The following TAF6L variants were observed in gnomAD, a reference collection of about 807,000 sequenced individuals.
TAF6L encodes TATA-box binding protein associated factor 6 like, also known as TAF6-like RNA polymerase II p300/CBP-associated factor-associated factor 65 kDa subunit 6L.
TAF6L carries 34 observed loss-of-function variants against 57.3 expected under a neutral mutation model. That is an observed-to-expected ratio of 0.59 (90% CI 0.45 to 0.79). The LOEUF (loss-of-function observed/expected upper bound fraction) is 0.79, where lower values mean the gene tolerates loss of function less well. Among genes scored for constraint, TAF6L ranks in the 30% least tolerant of loss-of-function variants. The pLI, the probability that TAF6L is intolerant of heterozygous loss-of-function variation, is 0.00. For missense variants in TAF6L, 782 were observed against 853.2 expected (o/e 0.92, Z 1.04); for synonymous variants, 417 against 376.3 (o/e 1.11, Z -1.25).
chr11:62,786,450 C>CTT (rs1316730569), intron 10 of TAF6L, 62 bp downstream of exon 10: 1 of 1,596,460 alleles, frequency 6.3e-7, no homozygotes, highest in African/African-American at 1.3e-5. Context: ...AGCAGGCTTA[C>CTT]TTTGGAATAT....
chr11:62,773,264 C>T (rs1327135394), intron 1 of TAF6L, among the ~76,000 whole-genome samples: 1 of 151,962 alleles, frequency 6.6e-6, no homozygotes, highest in Admixed American at 6.6e-5. Context: ...TCTCCTGCCT[C>T]AGCCTCCGGA....
intron 1 of TAF6L, chr11:62,772,096 C>A (rs1336940961): frequency 2.2e-6 from 1 of 456,226 alleles, no homozygotes; most frequent in South Asian, 1.5e-5. Flanking sequence ...TTGGAGAAGT[C>A]ATGGAACATT....
At chr11:62,777,880 C>T (rs1797066534) in intron 3 of TAF6L, 98 bp from the exon 4 acceptor site, 13 of 1,406,356 alleles carry the variant, frequency 9.2e-6, no homozygotes, top group South Asian at 4.2e-5. Flanking sequence ...TTCCTTCAAA[C>T]GTGGGCTCTC....
intron 2 of TAF6L, 59 bp from the exon 3 acceptor site, chr11:62,776,325 G>T (rs1364203789): frequency 6.4e-7 from 1 of 1,574,412 alleles, no homozygotes; most frequent in Non-Finnish European, 8.7e-7. Flanking sequence ...TTCATTTGGG[G>T]TTTCCCATGC....
chr11:62,778,505 A>G (rs1565187788), intron 5 of TAF6L, 170 bp downstream of exon 5: 1 of 751,258 alleles, frequency 1.3e-6, no homozygotes, highest in Non-Finnish European at 2.2e-6. Flanking sequence ...AGAGTTGGAG[A>G]TGGGGGCCCA....
At chr11:62,785,935 C>T in intron 9 of TAF6L, 1 of 185,422 alleles carries the variant, frequency 5.4e-6, no homozygotes, top group Non-Finnish European at 1.1e-5. Flanking sequence ...CTAAGTGAAG[C>T]CAGTACTTGC....
chr11:62,772,302 G>C (rs954889575), intron 1 of TAF6L, among the ~76,000 whole-genome samples: 1 of 151,234 alleles, frequency 6.6e-6, no homozygotes, highest in African/African-American at 2.4e-5. Context: ...CACCTGGATT[G>C]CCTGAGCTCA....
rs1293134146 is a variant in TAF6L, at chr11:62,771,456, C to G, written c.-48C>G. ...CCGCCACCGCCCCCGCCGCCGTCGT[C>G]TCGGTAGCAGCCTTCGCCACGCCGG... On this transcript the variant is annotated 5_prime_UTR_variant, in exon 1 of 11. Transcript: ENST00000294168. 6.3e-6 allele frequency: 1 copy of G among 157,562 alleles called. No homozygotes were observed. The highest frequency in any genetic ancestry group is 1.4e-5 in the Non-Finnish European group (1 of 71,612). The allele number at this position is 157,562 out of a possible 1,614,324, so 9.8% of individuals were successfully genotyped here. A position where few individuals can be genotyped will look rare whatever the true frequency, so the allele number is the denominator to read the frequency against.
intron 6 of TAF6L, 54 bp downstream of exon 6, chr11:62,779,017 C>CTTTTTT: frequency 7.9e-7 from 1 of 1,263,840 alleles, no homozygotes; most frequent in African/African-American, 1.5e-5. Flanking sequence ...AATTCTAGAC[C>CTTTTTT]TGTTTTTTTT....
At chr11:62,785,552 T>A (rs1164217262) in intron 9 of TAF6L, among the ~76,000 whole-genome samples, 1 of 150,014 alleles carries the variant, frequency 6.7e-6, no homozygotes, top group Non-Finnish European at 1.5e-5. Flanking sequence ...TTTTTTTTTT[T>A]GAGACGGAGT....
At position 62,787,217 on chromosome 11, in the gene TAF6L, A is replaced by C. The variant is rs780638356; in HGVS notation, c.1790A>C (p.Lys597Thr). 6.3e-6 allele frequency: 10 copies of C among 1,587,500 alleles called. No individual in the cohort carries two copies. The highest frequency in any genetic ancestry group is 8.5e-6 in the Non-Finnish European group (10 of 1,175,442). The change falls in exon 11 of 11, where the codon AAA becomes ACA. Residue 597 changes from lysine (K) to threonine (T), a missense_variant. Around this residue, in one of 3 missense-constraint regions of TAF6L, gnomAD observed 483 missense variants for 445.1 expected, o/e 1.09. Transcript: ENST00000294168. Reference sequence around the variant, plus strand: ...AGCCCGGCCTCGCGCTACGTGCAGAAACTGCCCATGATCGGCCGTACCAGC... The same window carrying C: ...AGCCCGGCCTCGCGCTACGTGCAGACACTGCCCATGATCGGCCGTACCAGC... ...GPSPASRYVQ[K>T]LPMIGRTSRP...
In TAF6L at chr11:62,779,791, A is replaced by AG. The variant is rs1590934993; in HGVS notation, c.531+828_531+829insG. 4.0e-5 allele frequency among the ~76,000 whole-genome samples: 6 copies of AG among 150,228 alleles called. No homozygotes were observed. The East Asian group carries it at 1.2e-3, about 30-fold the overall frequency. ...AGCAATTCTCCCACCTCAGCTTCCC[A>AG]AGTAGCTGGGATTACAGGGGCATAC... On this transcript the variant is annotated intron_variant, in intron 6 of 10. Coordinates refer to ENST00000294168, the MANE Select transcript of TAF6L (RefSeq NM_006473.4).
chr11:62,780,941 A>T (rs577665579), intron 6 of TAF6L, among the ~76,000 whole-genome samples: 1 of 148,716 alleles, frequency 6.7e-6, no homozygotes, highest in Non-Finnish European at 1.5e-5. Context: ...CATCTCAAAA[A>T]AAAAAAAAAA....
chr11:62,775,985 C>G (rs936470959), intron 2 of TAF6L, 55 bp downstream of exon 2: 12 of 1,555,120 alleles, frequency 7.7e-6, no homozygotes, highest in Non-Finnish European at 1.0e-5. Context: ...TGCCTTTTTA[C>G]TAACCTCCAC....
intron 1 of TAF6L, 71 bp downstream of exon 1, chr11:62,771,561 G>T: frequency 6.2e-6 from 1 of 161,322 alleles, no homozygotes; most frequent in Non-Finnish European, 1.4e-5. Context: ...CAGTCTTGGA[G>T]CCCGCACCGC....
rs958391443 is a variant in TAF6L, at chr11:62,778,709, G to C, written c.437-160G>C. On this transcript the variant is annotated intron_variant, in intron 5 of 10. Coordinates refer to ENST00000294168, the MANE Select transcript of TAF6L (RefSeq NM_006473.4). ...AGGTGTGCAGAGCCTAGATGGTCAG[G>C]GCTGAGCAGGCTCTAAGAGCAGTCT... The C allele has an allele frequency of 5.9e-6, 4 of 672,438 alleles. No homozygotes were observed. The East Asian group carries it at 1.1e-4, about 18-fold the overall frequency. 41.7% of individuals were successfully genotyped at this position (672,438 alleles called of 1,614,324 possible).
Position 62,782,133 on chromosome 11 carries a change from C to A in TAF6L, c.627C>A (p.Asp209Glu). 6.2e-7 allele frequency: 1 copy of A among 1,610,680 alleles called. No individual in the cohort carries two copies. Among genetic ancestry groups the A allele is most frequent in the Non-Finnish European group, 8.5e-7 (1 of 1,177,974 alleles). ...VVSGVKSVSHDLEQLHRLLQV... is the reference protein window; with the variant it reads ...VVSGVKSVSHELEQLHRLLQV... ...AACAGGTGAAATCTGTAAGCCATGA[C>A]CTGGAGCAACTGCACCGGCTGCTGC... The change falls in exon 8 of 11, where the codon GAC becomes GAA. Residue 209 changes from aspartate (D) to glutamate (E), a missense_variant. Around this residue, in one of 3 missense-constraint regions of TAF6L, gnomAD observed 79 missense variants for 156.0 expected, o/e 0.51. Coordinates refer to ENST00000294168, the MANE Select transcript of TAF6L (RefSeq NM_006473.4).
chr11:62,772,054 C>G (rs565315338), intron 1 of TAF6L: 4 of 455,806 alleles, frequency 8.8e-6, no homozygotes, highest in East Asian at 1.4e-4. Flanking sequence ...CTTGCTCCCC[C>G]TCCCTACTTA....
intron 1 of TAF6L, among the ~76,000 whole-genome samples, chr11:62,773,759 C>T (rs994581309): frequency 3.3e-5 from 5 of 151,992 alleles, no homozygotes; most frequent in Non-Finnish European, 7.4e-5. Flanking sequence ...CAAATTCTTA[C>T]GACTGGTTTG....
Sources: allele counts gnomAD v4.1 joint callset (sites outside exome capture counted in the v4.1 genomes callset), GRCh38; gene constraint gnomAD v4.1.1; regional missense constraint gnomAD v4.1.1; transcripts MANE v1.5; gene names NCBI Gene and HGNC (gene_info 2026-07-23, HGNC 2026-07-21).